Variants in CDH23 observed in about 807,000 individuals in gnomAD.
CDH23 encodes the protein cadherin related 23.
Under a neutral mutation model 317.1 loss-of-function variants are expected in CDH23, and 189 were observed. That is an observed-to-expected ratio of 0.60 (90% CI 0.53 to 0.67). The LOEUF is 0.67. Ranked by LOEUF, CDH23 falls within the 30% of genes least tolerant of loss-of-function variation. The probability of loss-of-function intolerance (pLI) is 0.00; values close to 1 mark genes in which losing one functional copy is unlikely to be tolerated. For missense variants in CDH23, 4,401 were observed against 4,592.4 expected (o/e 0.96, Z 1.20); for synonymous variants, 1,839 against 1,876.8 (o/e 0.98, Z 0.52).
chr10:71,785,595 A>G (rs2132940223), intron 43 of CDH23, 36 bp from the exon 44 acceptor site: 2 of 1,321,626 alleles, frequency 1.5e-6, no homozygotes, highest in Non-Finnish European at 2.1e-6. Flanking sequence ...AGCAGGGAAA[A>G]GGTCTCCATG....
intron 3 of CDH23, among the ~76,000 whole-genome samples, chr10:71,508,564 G>A (rs1484149150): frequency 6.6e-6 from 1 of 152,178 alleles, no homozygotes; most frequent in Admixed American, 6.5e-5. Flanking sequence ...CATCATGTTA[G>A]AACTGTCCTA....
chr10:71,544,055 C>A (rs1339345369), intron 6 of CDH23, among the ~76,000 whole-genome samples: 1 of 152,188 alleles, frequency 6.6e-6, no homozygotes, highest in Non-Finnish European at 1.5e-5. Flanking sequence ...CCTCGTGGGG[C>A]AGGATAGGAT....
At chr10:71,672,656 G>A (rs1864196445) in intron 14 of CDH23, among the ~76,000 whole-genome samples, 1 of 152,224 alleles carries the variant, frequency 6.6e-6, no homozygotes, top group African/African-American at 2.4e-5. Context: ...AGTCCAACGT[G>A]GGCAGGGGAG....
intron 14 of CDH23, among the ~76,000 whole-genome samples, chr10:71,655,550 T>C (rs1392989190): frequency 6.6e-6 from 1 of 152,096 alleles, no homozygotes; most frequent in Non-Finnish European, 1.5e-5. Flanking sequence ...GGCCCCAGCA[T>C]GCTGTGTGCC....
intron 14 of CDH23, among the ~76,000 whole-genome samples, chr10:71,657,138 C>T (rs1375520255): frequency 6.6e-6 from 1 of 152,202 alleles, no homozygotes; most frequent in Non-Finnish European, 1.5e-5. Flanking sequence ...GCCTGACTGA[C>T]CAGGTGGGCC....
intron 17 of CDH23, 112 bp from the exon 18 acceptor site, chr10:71,682,333 G>T: frequency 7.1e-7 from 1 of 1,408,778 alleles, no homozygotes; most frequent in Non-Finnish European, 9.7e-7. Context: ...AAACAAGCCA[G>T]AGCTGGCCCG....
chr10:71,641,581 G>A (rs193113748), intron 11 of CDH23, among the ~76,000 whole-genome samples: 2 of 152,154 alleles, frequency 1.3e-5, no homozygotes, highest in Non-Finnish European at 2.9e-5. Flanking sequence ...GATCAGCGTC[G>A]CCTGGAACTT....
At chr10:71,698,771 G>A (rs1865483788) in intron 22 of CDH23, among the ~76,000 whole-genome samples, 1 of 152,204 alleles carries the variant, frequency 6.6e-6, no homozygotes, top group African/African-American at 2.4e-5. Context: ...GTTTCCTGCA[G>A]AGCTGGACCC....
chr10:71,576,958 C>T (rs1028195548), intron 8 of CDH23, among the ~76,000 whole-genome samples: 2 of 152,218 alleles, frequency 1.3e-5, no homozygotes, highest in African/African-American at 4.8e-5. Flanking sequence ...CCTCCAGGCA[C>T]TTGCCTGAGC....
At chr10:71,693,387 C>T (rs1238508704) in intron 20 of CDH23, among the ~76,000 whole-genome samples, 1 of 152,022 alleles carries the variant, frequency 6.6e-6, no homozygotes, top group East Asian at 1.9e-4. Flanking sequence ...AGACCAAATA[C>T]AGGCGAACAA....
At chr10:71,404,230 C>G (rs1335773597) in intron 1 of CDH23, among the ~76,000 whole-genome samples, 1 of 152,230 alleles carries the variant, frequency 6.6e-6, no homozygotes, top group East Asian at 1.9e-4. Context: ...TACAGAACAT[C>G]TCCAGTGCCT....
chr10:71,567,869 A>G lies in CDH23; in HGVS notation c.624+933A>G, dbSNP rs149027200. 1.3e-4 allele frequency among the ~76,000 whole-genome samples: 20 copies of G among 152,340 alleles called. 1 individual carries two copies. The East Asian group carries it at 3.9e-3, about 29-fold the overall frequency. ...TGTTGACAAAGCTTACGCCAAGAGC[A>G]AAAAAACATGGGAGTCCCTCTCAAC... On this transcript the variant is annotated intron_variant, in intron 7 of 69. Coordinates refer to ENST00000224721, the MANE Select transcript of CDH23 (RefSeq NM_022124.6).
chr10:71,584,223 G>A (rs1352152291), intron 9 of CDH23, among the ~76,000 whole-genome samples: 1 of 152,142 alleles, frequency 6.6e-6, no homozygotes. Flanking sequence ...GTCGGGGGAG[G>A]AAAGCAATTA....
chr10:71,428,293 A>G (rs1188592183), intron 1 of CDH23, among the ~76,000 whole-genome samples: 1 of 151,208 alleles, frequency 6.6e-6, no homozygotes, highest in Admixed American at 6.6e-5. Context: ...ATGCATCACC[A>G]GGCCCAGCTA....
At chr10:71,792,228 A>G (rs1385566659) in intron 47 of CDH23, among the ~76,000 whole-genome samples, 3 of 152,172 alleles carry the variant, frequency 2.0e-5, no homozygotes, top group Non-Finnish European at 4.4e-5. Context: ...AATCTAATCA[A>G]TTACATCCAA....
chr10:71,729,673 T>A (rs1389023998), intron 30 of CDH23, among the ~76,000 whole-genome samples: 1 of 152,196 alleles, frequency 6.6e-6, no homozygotes, highest in Non-Finnish European at 1.5e-5. Context: ...ACTGACATTC[T>A]CTACTACAAC....
At chr10:71,814,897 C>T (rs1440678279) in intron 69 of CDH23, 55 bp from the exon 70 acceptor site, 3 of 1,524,662 alleles carry the variant, frequency 2.0e-6, no homozygotes, top group African/African-American at 1.4e-5. Flanking sequence ...GGGCCATCCA[C>T]CTGCTCACCC....
chr10:71,705,304 C>G (rs985333179), intron 25 of CDH23, among the ~76,000 whole-genome samples, 174 bp downstream of exon 25: 7 of 152,160 alleles, frequency 4.6e-5, no homozygotes, highest in Non-Finnish European at 7.4e-5. Flanking sequence ...CACAGCAGAG[C>G]CTTCTCCACA....
chr10:71,806,247 T>C lies in CDH23; in HGVS notation c.8144T>C (p.Ile2715Thr), dbSNP rs1388788378. 1 of 1,571,770 alleles carries C rather than the reference T, an allele frequency of 6.4e-7. No individual in the cohort carries two copies. Among genetic ancestry groups the C allele is most frequent in the African/African-American group, 1.4e-5 (1 of 73,938 alleles). The stretch of plus-strand genomic sequence containing the variant: ...CCGCTGCAGGTGGCCCTGGAGGACA[T>C]CGATGACAACGAACCCCTTTTCGTG... The part of the protein sequence containing the change: ...MQPLQVALED[I>T]DDNEPLFVRP... Residue 2715 changes from isoleucine (I) to threonine (T), a missense_variant, in exon 57 of 70, where the codon ATC becomes ACC. Coordinates refer to ENST00000224721, the MANE Select transcript of CDH23 (RefSeq NM_022124.6).
Sources: allele counts gnomAD v4.1 joint callset (sites outside exome capture counted in the v4.1 genomes callset), GRCh38; gene constraint gnomAD v4.1.1; transcripts MANE v1.5; gene names NCBI Gene and HGNC (gene_info 2026-07-23, HGNC 2026-07-21).